KSR2: variants seen among roughly 807,000 people sequenced by gnomAD.
KSR2 encodes kinase suppressor of ras 2.
A neutral mutation model predicts 107.8 loss-of-function variants in KSR2; 25 were observed. The ratio of observed to expected loss-of-function variants is 0.23; its 90% CI spans 0.17 to 0.32. The LOEUF (loss-of-function observed/expected upper bound fraction) is 0.32. Among genes scored for constraint, KSR2 ranks in the 10% least tolerant of loss-of-function variants. The pLI is 1.00. For synonymous variants in KSR2, 480 were observed against 507.0 expected (o/e 0.95, Z 0.71); for missense variants, 887 against 1,268.9 (o/e 0.70, Z 4.57).
At position 117,966,036 on chromosome 12, in the gene KSR2, G is replaced by C. The variant is rs1372611137; in HGVS notation, c.180+2040C>G. On this transcript the variant is annotated intron_variant, in intron 1 of 19. Coordinates refer to ENST00000339824, the MANE Select transcript of KSR2 (RefSeq NM_173598.6). ...GGTTGCATGCTCTGTAGCATACTGG[G>C]ACAAGGGAACTGAAAACAGATGCAT... is the stretch of plus-strand genomic sequence containing the variant. Among the ~76,000 whole-genome samples, 5 of 152,210 alleles carry C rather than the reference G, an allele frequency of 3.3e-5. No individual in the cohort carries two copies. The South Asian group carries it at 8.3e-4, about 25-fold the overall frequency.
chr12:117,964,146 C>T (rs114300561), intron 1 of KSR2, among the ~76,000 whole-genome samples: 2,017 of 152,194 alleles, frequency 0.013, 44 homozygotes, highest in African/African-American at 0.047. Context: ...GGCATGGTGG[C>T]GGGCATCTGT....
intron 5 of KSR2, among the ~76,000 whole-genome samples, chr12:117,614,503 T>G (rs1159331454): frequency 6.6e-6 from 1 of 152,188 alleles, no homozygotes. Flanking sequence ...TCTCCCTGGG[T>G]GGGCTGTTCA....
chr12:117,684,225 C>T (rs1885480422), intron 4 of KSR2, among the ~76,000 whole-genome samples: 1 of 152,180 alleles, frequency 6.6e-6, no homozygotes, highest in African/African-American at 2.4e-5. Flanking sequence ...ACCGCTCTGA[C>T]CACAGTTTTG....
intron 19 of KSR2, chr12:117,467,906 A>C: frequency 8.5e-6 from 2 of 234,102 alleles, no homozygotes; most frequent in South Asian, 2.4e-5. Context: ...ATTCTGCTAG[A>C]CCACAGTCCT....
intron 9 of KSR2, among the ~76,000 whole-genome samples, chr12:117,550,703 G>T (rs1877237203): frequency 6.6e-6 from 1 of 152,200 alleles, no homozygotes; most frequent in African/African-American, 2.4e-5. Flanking sequence ...CTATATGGAG[G>T]CAGAAGCAAT....
At chr12:117,952,205 CCA>C (rs1377079806) in intron 1 of KSR2, among the ~76,000 whole-genome samples, 4 of 145,822 alleles carry the variant, frequency 2.7e-5, no homozygotes, top group African/African-American at 7.7e-5. Context: ...ACATACACAC[CCA>C]CACACACAGC....
chr12:117,787,027 C>T (rs1197361039), intron 3 of KSR2, among the ~76,000 whole-genome samples: 1 of 102,700 alleles, frequency 9.7e-6, no homozygotes, highest in Non-Finnish European at 1.8e-5. Flanking sequence ...AAAACTCCAT[C>T]TCAAAAAAAA....
chr12:117,696,765 C>A (rs1325256777), intron 4 of KSR2, among the ~76,000 whole-genome samples: 1 of 152,146 alleles, frequency 6.6e-6, no homozygotes, highest in Non-Finnish European at 1.5e-5. Context: ...CTTTCCCTTG[C>A]CAGGCCCAGA....
intron 5 of KSR2, among the ~76,000 whole-genome samples, chr12:117,605,333 A>T (rs369402367): frequency 1.5e-4 from 23 of 152,252 alleles, no homozygotes; most frequent in African/African-American, 5.3e-4. Context: ...CGAATGTCCA[A>T]CCTCAACAGG....
At chr12:117,515,688 G>T (rs1291986858) in intron 14 of KSR2, among the ~76,000 whole-genome samples, 2 of 152,222 alleles carry the variant, frequency 1.3e-5, no homozygotes, top group Non-Finnish European at 2.9e-5. Context: ...CACTTTGGGA[G>T]GCTGAGGCGG....
At chr12:117,576,284 G>A (rs1879280466) in intron 7 of KSR2, among the ~76,000 whole-genome samples, 2 of 152,114 alleles carry the variant, frequency 1.3e-5, no homozygotes, top group Middle Eastern at 3.2e-3. Context: ...GGAATGTGGT[G>A]GGACTAGATA....
intron 14 of KSR2, among the ~76,000 whole-genome samples, chr12:117,496,480 A>C (rs1458143122): frequency 6.6e-6 from 1 of 152,128 alleles, no homozygotes; most frequent in Non-Finnish European, 1.5e-5. Flanking sequence ...TTAACATTGC[A>C]ATCATTCAAG....
intron 1 of KSR2, among the ~76,000 whole-genome samples, chr12:117,955,267 C>T (rs752362463): frequency 1.3e-5 from 2 of 151,980 alleles, no homozygotes; most frequent in Non-Finnish European, 2.9e-5. Context: ...GGACCACAGG[C>T]ATGCACCACT....
At chr12:117,730,561 C>G (rs368902275) in intron 4 of KSR2, among the ~76,000 whole-genome samples, 2 of 148,576 alleles carry the variant, frequency 1.3e-5, no homozygotes, top group African/African-American at 2.4e-5. Flanking sequence ...GATGCTGAGC[C>G]GAGGCTGGAC....
At chr12:117,851,103 T>C (rs978280139) in intron 3 of KSR2, among the ~76,000 whole-genome samples, 1 of 152,208 alleles carries the variant, frequency 6.6e-6, no homozygotes, top group African/African-American at 2.4e-5. Context: ...CTGACTTCAG[T>C]GCTAAGTGCT....
At chr12:117,860,200 G>A (rs1893241369) in intron 2 of KSR2, 91 bp downstream of exon 2, 2 of 1,369,144 alleles carry the variant, frequency 1.5e-6, no homozygotes, top group East Asian at 2.3e-5. Flanking sequence ...GGACTGTGCT[G>A]GGCACAGCCA....
chr12:117,475,900 G>A (rs1033437130), intron 17 of KSR2, among the ~76,000 whole-genome samples: 1 of 152,178 alleles, frequency 6.6e-6, no homozygotes, highest in Non-Finnish European at 1.5e-5. Context: ...TCAGGCCCAA[G>A]GGTTGAGGAA....
chr12:117,530,718 G>A (rs1009299778), intron 12 of KSR2, among the ~76,000 whole-genome samples: 4 of 152,124 alleles, frequency 2.6e-5, no homozygotes, highest in South Asian at 4.2e-4. Context: ...CTGCTCGTGA[G>A]GAACAGCATT....
Position 117,842,470 on chromosome 12 carries a change from G to A in KSR2, c.472+12958C>T, listed in dbSNP as rs1219320055. On this transcript the variant is annotated intron_variant, in intron 3 of 19. Coordinates refer to ENST00000339824, the MANE Select transcript of KSR2 (RefSeq NM_173598.6). The surrounding 1 kb of genome is among the most constrained non-coding windows in gnomAD (Gnocchi z 4.2). ...TCAGCAGATAGGGACCAGATCGGGA[G>A]CCCAGGGACAGGACTGGGGGTCTCA... is the stretch of plus-strand genomic sequence containing the variant. Among the ~76,000 whole-genome samples the A allele has an allele frequency of 6.6e-6, 1 of 152,174 alleles. No individual in the cohort carries two copies. The highest frequency in any genetic ancestry group is 1.5e-5 in the Non-Finnish European group (1 of 68,030).
Sources: allele counts gnomAD v4.1 joint callset (sites outside exome capture counted in the v4.1 genomes callset), GRCh38; gene constraint gnomAD v4.1.1; non-coding constraint Gnocchi (gnomAD v3.1); transcripts MANE v1.5; gene names NCBI Gene and HGNC (gene_info 2026-07-23, HGNC 2026-07-21).